LGR5: variants seen among roughly 807,000 people sequenced by gnomAD.
LGR5 encodes the protein leucine rich repeat containing G protein-coupled receptor 5.
A neutral mutation model predicts 76.7 loss-of-function variants in LGR5; 54 were observed. The ratio of observed to expected loss-of-function variants is 0.70; its 90% CI spans 0.57 to 0.88. LGR5 has a LOEUF of 0.88. Among genes scored for constraint, LGR5 ranks in the 40% least tolerant of loss-of-function variants. The pLI, the probability that LGR5 is intolerant of heterozygous loss-of-function variation, is 0.00. For missense variants in LGR5, 1,078 were observed against 1,073.3 expected (o/e 1.00, Z -0.06); for synonymous variants, 406 against 421.9 (o/e 0.96, Z 0.46).
intron 1 of LGR5, among the ~76,000 whole-genome samples, chr12:71,443,013 G>A (rs886982538): frequency 2.0e-5 from 3 of 152,092 alleles, no homozygotes; most frequent in Non-Finnish European, 4.4e-5. Context: ...AGACTGATGT[G>A]GTAAAAAGCC....
At position 71,567,969 on chromosome 12, in the gene LGR5, G is replaced by T. The variant is rs74842546; in HGVS notation, c.1070+1057G>T. 4.5e-3 allele frequency among the ~76,000 whole-genome samples: 682 copies of T among 152,218 alleles called. 5 individuals carry two copies. Among genetic ancestry groups the T allele is most frequent in the African/African-American group, 0.016 (656 of 41,538 alleles). ...GTTTGAATTCAAATACAATCAATTT[G>T]ATTGAATAACTGGGAGAAAGTGTGT... On this transcript the variant is annotated intron_variant, in intron 11 of 17. Transcript: ENST00000266674.
intron 1 of LGR5, among the ~76,000 whole-genome samples, chr12:71,484,553 C>A (rs1171196167): frequency 6.6e-6 from 1 of 152,126 alleles, no homozygotes; most frequent in Non-Finnish European, 1.5e-5. Context: ...GGGGTCTTTT[C>A]CTCTTCAGGA....
chr12:71,571,455 A>G, intron 11 of LGR5, 59 bp from the exon 12 acceptor site: 1 of 1,268,558 alleles, frequency 7.9e-7, no homozygotes, highest in Non-Finnish European at 1.1e-6. Context: ...AGAGCAAAGC[A>G]TGTTTCTTTA....
intron 1 of LGR5, among the ~76,000 whole-genome samples, chr12:71,456,411 T>C (rs1872478092): frequency 6.6e-6 from 1 of 152,160 alleles, no homozygotes; most frequent in Non-Finnish European, 1.5e-5. Flanking sequence ...GTTCTTTGAT[T>C]CCTAATTAAC....
chr12:71,458,917 G>A (rs765457511), intron 1 of LGR5, among the ~76,000 whole-genome samples: 3 of 151,942 alleles, frequency 2.0e-5, no homozygotes, highest in Non-Finnish European at 4.4e-5. Context: ...CCTGGTCTTG[G>A]TGGTCAGGGA....
chr12:71,566,799 A>G, intron 10 of LGR5, 42 bp from the exon 11 acceptor site: 1 of 1,588,796 alleles, frequency 6.3e-7, no homozygotes, highest in Non-Finnish European at 8.6e-7. Flanking sequence ...TCACTGTGTG[A>G]TGCCTGAATG....
intron 5 of LGR5, among the ~76,000 whole-genome samples, 186 bp from the exon 6 acceptor site, chr12:71,556,433 T>C (rs1219487364): frequency 2.6e-5 from 4 of 152,216 alleles, no homozygotes; most frequent in African/African-American, 9.6e-5. Flanking sequence ...ACTGTGACTG[T>C]CTTTTAAATT....
chr12:71,523,970 G>T (rs1263672656), intron 2 of LGR5, among the ~76,000 whole-genome samples: 2 of 152,136 alleles, frequency 1.3e-5, no homozygotes, highest in Non-Finnish European at 2.9e-5. Context: ...TAGTAAGAAA[G>T]TTGGGTATTT....
At chr12:71,498,441 G>A (rs996185160) in intron 1 of LGR5, among the ~76,000 whole-genome samples, 5 of 152,170 alleles carry the variant, frequency 3.3e-5, no homozygotes, top group African/African-American at 1.2e-4. Context: ...TCCTCTGGGG[G>A]TCAGCTCCCT....
At chr12:71,542,273 T>C (rs1175825971) in intron 4 of LGR5, among the ~76,000 whole-genome samples, 3 of 152,204 alleles carry the variant, frequency 2.0e-5, no homozygotes, top group Non-Finnish European at 1.5e-5. Context: ...GAGGGAACTA[T>C]GTGTGCAACT....
chr12:71,448,129 C>A (rs1173693926), intron 1 of LGR5, among the ~76,000 whole-genome samples: 1 of 143,516 alleles, frequency 7.0e-6, no homozygotes, highest in Non-Finnish European at 1.6e-5. Flanking sequence ...TGGTGACTAA[C>A]CTTACATGCG....
At chr12:71,460,507 T>C (rs1300928179) in intron 1 of LGR5, among the ~76,000 whole-genome samples, 2 of 152,168 alleles carry the variant, frequency 1.3e-5, no homozygotes, top group Non-Finnish European at 2.9e-5. Context: ...TAACTCTTAC[T>C]GATCTGTTTT....
rs202030392 is a variant in LGR5 at position 71,578,023 on chromosome 12, T to C, written c.1280+27T>C. On this transcript the variant is annotated intron_variant, in intron 14 of 17. Coordinates refer to ENST00000266674, the MANE Select transcript of LGR5 (RefSeq NM_003667.4). Reference sequence around the variant, plus strand: ...TGAGTATTCCACAACTTGTTTATGGTATGTCTCTTAATAATTGAGGACCAT... The same window carrying C: ...TGAGTATTCCACAACTTGTTTATGGCATGTCTCTTAATAATTGAGGACCAT... 143 of 1,520,082 alleles carry C rather than the reference T, an allele frequency of 9.4e-5. 1 individual carries two copies. In the East Asian group the frequency reaches 3.2e-3, roughly 34 times the overall value. 94.2% of individuals were successfully genotyped at this position (1,520,082 alleles called of 1,614,324 possible). A position where few individuals can be genotyped will look rare whatever the true frequency, so the allele number is the denominator to read the frequency against.
Position 71,568,326 on chromosome 12 carries a change from C to T in LGR5, c.1070+1414C>T, listed in dbSNP as rs539079741. On this transcript the variant is annotated intron_variant, in intron 11 of 17. Transcript: ENST00000266674. ...CAGGATCTTGAGCACATTATTATTC[C>T]TCCTGGAGCTCAGTTTCCCAGTCTA... Among the ~76,000 whole-genome samples, 9 of 152,284 alleles carry T rather than the reference C, an allele frequency of 5.9e-5. No homozygotes were observed. In the East Asian group the frequency reaches 1.7e-3, roughly 29 times the overall value.
At chr12:71,567,288 T>A in intron 11 of LGR5, 1 of 199,732 alleles carries the variant, frequency 5.0e-6, no homozygotes, top group Admixed American at 5.6e-5. Context: ...AAAACTGAGA[T>A]CTCAGATCCA....
At chr12:71,561,731 A>T in intron 7 of LGR5, 50 bp from the exon 8 acceptor site, 1 of 1,152,022 alleles carries the variant, frequency 8.7e-7, no homozygotes. Context: ...GCCTCTATTA[A>T]ATAATTTTAC....
intron 1 of LGR5, among the ~76,000 whole-genome samples, chr12:71,489,166 T>A (rs1440018561): frequency 6.6e-6 from 1 of 152,218 alleles, no homozygotes; most frequent in African/African-American, 2.4e-5. Flanking sequence ...CTTGAATCTT[T>A]AAGGGTCTTT....
intron 4 of LGR5, among the ~76,000 whole-genome samples, chr12:71,541,257 T>C (rs1876864628): frequency 6.6e-6 from 1 of 152,110 alleles, no homozygotes; most frequent in Non-Finnish European, 1.5e-5. Context: ...CACAGAATCA[T>C]ATAAGGAGGG....
intron 4 of LGR5, among the ~76,000 whole-genome samples, chr12:71,543,465 G>A (rs1474039201): frequency 6.6e-6 from 1 of 152,170 alleles, no homozygotes; most frequent in East Asian, 1.9e-4. Context: ...GGATGCTCAT[G>A]AACAAAAGGC....
Sources: gnomAD v4.1 joint callset for allele counts (sites outside exome capture counted in the v4.1 genomes callset) on GRCh38, gnomAD v4.1.1 for gene constraint, MANE v1.5 for transcripts, NCBI Gene and HGNC (gene_info 2026-07-23, HGNC 2026-07-21) for gene names.